The following PIK3C2B variants were observed in gnomAD, a reference collection of about 807,000 sequenced individuals.
PIK3C2B encodes phosphatidylinositol-4-phosphate 3-kinase catalytic subunit type 2 beta, also known as phosphatidylinositol 4-phosphate 3-kinase C2 domain-containing subunit beta.
A neutral mutation model predicts 184.3 loss-of-function variants in PIK3C2B; 83 were observed. The ratio of observed to expected loss-of-function variants is 0.45; its 90% CI spans 0.38 to 0.54. The LOEUF (loss-of-function observed/expected upper bound fraction) is 0.54, where lower values mean the gene tolerates loss of function less well. Among genes scored for constraint, PIK3C2B ranks in the 20% least tolerant of loss-of-function variants. The pLI, the probability that PIK3C2B is intolerant of heterozygous loss-of-function variation, is 0.00. For synonymous variants in PIK3C2B, 779 were observed against 837.6 expected (o/e 0.93, Z 1.21); for missense variants, 1,736 against 2,113.5 (o/e 0.82, Z 3.50).
At chr1:204,435,907 C>T (rs527680817) in intron 23 of PIK3C2B, 1 of 152,284 alleles carries the variant, frequency 6.6e-6, no homozygotes, top group African/African-American at 2.4e-5. Flanking sequence ...AATAAAAGCA[C>T]TTAATAAGGA....
intron 29 of PIK3C2B, chr1:204,429,005 C>T (rs1002324887): frequency 5.3e-5 from 23 of 435,670 alleles, no homozygotes; most frequent in Admixed American, 2.6e-5. Context: ...CAGAGGATCG[C>T]TTGAGCTCAG....
intron 18 of PIK3C2B, among the ~76,000 whole-genome samples, 191 bp from the exon 19 acceptor site, chr1:204,443,788 C>T (rs1011277917): frequency 2.6e-5 from 4 of 152,230 alleles, no homozygotes; most frequent in African/African-American, 9.6e-5. Context: ...TGTGCCCTCA[C>T]TCTGTCTTTA....
chr1:204,464,234 C>T, intron 4 of PIK3C2B, 102 bp from the exon 5 acceptor site: 1 of 1,367,018 alleles, frequency 7.3e-7, no homozygotes, highest in Non-Finnish European at 1.0e-6. Flanking sequence ...TATTCTCCAG[C>T]ACCATCACCA....
At chr1:204,450,568 G>C (rs1278167165) in intron 12 of PIK3C2B, among the ~76,000 whole-genome samples, 1 of 151,922 alleles carries the variant, frequency 6.6e-6, no homozygotes, top group Non-Finnish European at 1.5e-5. Context: ...TAGCCCCAGG[G>C]ACACACACTG....
chr1:204,459,701 C>T (rs545020822), intron 8 of PIK3C2B, among the ~76,000 whole-genome samples, 177 bp downstream of exon 8: 1 of 152,284 alleles, frequency 6.6e-6, no homozygotes, highest in Middle Eastern at 3.4e-3. Context: ...CTTGCCGTTG[C>T]CCAACATCTA....
At chr1:204,432,126 GA>G (rs1675094765) in intron 27 of PIK3C2B, 73 bp downstream of exon 27, 6 of 1,384,242 alleles carry the variant, frequency 4.3e-6, no homozygotes, top group Non-Finnish European at 6.1e-6. Context: ...TGCAAGTGTG[GA>G]AAAAGTCAGG....
At chr1:204,457,093 G>A in intron 9 of PIK3C2B, 23 bp from the exon 10 acceptor site, 1 of 1,557,902 alleles carries the variant, frequency 6.4e-7, no homozygotes, top group East Asian at 2.4e-5. Flanking sequence ...AGAAGAGGGA[G>A]GGGAGCTTCA....
chr1:204,428,863 T>C, intron 29 of PIK3C2B: 1 of 453,434 alleles, frequency 2.2e-6, no homozygotes, highest in Non-Finnish European at 4.4e-6. Flanking sequence ...GATGGATATA[T>C]AGGTGCTAAT....
At chr1:204,459,311 T>C (rs1236636375) in intron 8 of PIK3C2B, among the ~76,000 whole-genome samples, 1 of 152,242 alleles carries the variant, frequency 6.6e-6, no homozygotes, top group Non-Finnish European at 1.5e-5. Context: ...GCCATCACAC[T>C]CAGCAAGGGA....
Position 204,428,194 on chromosome 1 carries a change from G to A in PIK3C2B, c.4425C>T (p.His1475=). The part of the protein sequence containing the change: ...AECDLVYTFF[H]PLPRDEKAMG... ...TAGCCTTCTCATCCCGGGGCAGTGG[G>A]TGGAAGAAGGTGTACACCAAATCAC... is the stretch of plus-strand genomic sequence containing the variant. The change falls in exon 30 of 33, where the codon CAC becomes CAT. Residue 1475 remains histidine (H), a synonymous_variant. Transcript: ENST00000684373. 3 of 1,612,444 alleles carry A rather than the reference G, an allele frequency of 1.9e-6. No individual in the cohort carries two copies. Among genetic ancestry groups the A allele is most frequent in the Non-Finnish European group, 2.5e-6 (3 of 1,178,592 alleles).
chr1:204,472,514 C>T (rs1372174152), intron 1 of PIK3C2B, among the ~76,000 whole-genome samples: 1 of 151,290 alleles, frequency 6.6e-6, no homozygotes, highest in Non-Finnish European at 1.5e-5. Context: ...TACGGTGGCT[C>T]ACGCCTATAA....
At chr1:204,484,466 C>T (rs761945264) in intron 1 of PIK3C2B, among the ~76,000 whole-genome samples, 1 of 152,122 alleles carries the variant, frequency 6.6e-6, no homozygotes, top group Admixed American at 6.5e-5. Context: ...TGGCCGGGCG[C>T]GGTGGCTCAC....
chr1:204,459,801 G>T, intron 8 of PIK3C2B, 77 bp downstream of exon 8: 1 of 1,235,976 alleles, frequency 8.1e-7, no homozygotes, highest in South Asian at 1.2e-5. Context: ...CATAGTGCTG[G>T]GTGATCCCAG....
At chr1:204,446,632 T>C (rs1006476663) in intron 15 of PIK3C2B, among the ~76,000 whole-genome samples, 3 of 152,182 alleles carry the variant, frequency 2.0e-5, no homozygotes, top group Admixed American at 6.5e-5. Flanking sequence ...AGGGACCAGC[T>C]GTCGGCTTTC....
chr1:204,455,060 G>C (rs192148004), intron 11 of PIK3C2B, among the ~76,000 whole-genome samples: 207 of 152,358 alleles, frequency 1.4e-3, no homozygotes, highest in African/African-American at 4.8e-3. Context: ...TGGCCACCCA[G>C]CCTCTTTATA....
At position 204,429,697 on chromosome 1, in the gene PIK3C2B, A is replaced by G. The variant is rs17847768; in HGVS notation, c.4398+224T>C. 1.6e-4 allele frequency among the ~76,000 whole-genome samples: 24 copies of G among 148,038 alleles called. No homozygotes were observed. In the East Asian group the frequency reaches 4.7e-3, roughly 29 times the overall value. Reference sequence around the variant, plus strand: ...CATCATTCTCAGCCCATGTGCCTCGATGCATTCACCTTTCTGTTTAATTGC... The same window carrying G: ...CATCATTCTCAGCCCATGTGCCTCGGTGCATTCACCTTTCTGTTTAATTGC... On this transcript the variant is annotated intron_variant, in intron 29 of 32. Transcript: ENST00000684373.
intron 5 of PIK3C2B, among the ~76,000 whole-genome samples, chr1:204,462,187 C>T (rs1017325941): frequency 7.9e-5 from 12 of 152,184 alleles, no homozygotes; most frequent in South Asian, 6.2e-4. Context: ...CTGACCCTGT[C>T]CCACCTCACT....
intron 9 of PIK3C2B, 34 bp downstream of exon 9, chr1:204,457,694 T>G: frequency 6.4e-7 from 1 of 1,570,642 alleles, no homozygotes; most frequent in Non-Finnish European, 8.6e-7. Context: ...ATCCCTCTCT[T>G]CCTTTCCCCT....
intron 1 of PIK3C2B, among the ~76,000 whole-genome samples, chr1:204,486,135 C>T (rs1294541436): frequency 1.3e-5 from 2 of 152,156 alleles, no homozygotes; most frequent in African/African-American, 4.8e-5. Context: ...GTGGCTCACG[C>T]CTGTAATCCC....
Sources: allele counts gnomAD v4.1 joint callset (sites outside exome capture counted in the v4.1 genomes callset), GRCh38; gene constraint gnomAD v4.1.1; transcripts MANE v1.5; gene names NCBI Gene and HGNC (gene_info 2026-07-23, HGNC 2026-07-21).